The following SAMD12 variants were observed in gnomAD, a reference collection of about 807,000 sequenced individuals.
SAMD12 encodes sterile alpha motif domain-containing protein 12.
In SAMD12, 9 loss-of-function variants were observed where a neutral mutation model predicts 15.0. That is an observed-to-expected ratio of 0.60 (90% CI 0.36 to 1.05). The LOEUF is 1.05. Ranked by LOEUF, SAMD12 falls within the 50% of genes least tolerant of loss-of-function variation. The pLI is 0.01. For missense variants in SAMD12, 230 were observed against 234.2 expected (o/e 0.98, Z 0.12); for synonymous variants, 86 against 90.1 (o/e 0.96, Z 0.25).
At chr8:118,208,052 G>A (rs971655094) in intron 4 of SAMD12, among the ~76,000 whole-genome samples, 1 of 152,092 alleles carries the variant, frequency 6.6e-6, no homozygotes. Context: ...GAGGTCGGGA[G>A]TTCGAGACCA....
the SAMD12 span, among the ~76,000 whole-genome samples, chr8:118,182,168 T>A: frequency 6.6e-6 from 1 of 152,302 alleles, no homozygotes; most frequent in East Asian, 1.9e-4. Context: ...AAAGAGACAT[T>A]AAGAAATTTT....
intron 2 of SAMD12, among the ~76,000 whole-genome samples, chr8:118,470,483 A>T (rs970698679): frequency 2.6e-5 from 4 of 152,196 alleles, no homozygotes; most frequent in African/African-American, 9.7e-5. Context: ...GGCTCTGTCA[A>T]CACTGACCCG....
intron 4 of SAMD12, among the ~76,000 whole-genome samples, chr8:118,307,111 C>A (rs1815389483): frequency 1.3e-5 from 2 of 152,148 alleles, no homozygotes; most frequent in African/African-American, 4.8e-5. Flanking sequence ...ACCAGCATGA[C>A]CTAACATCAC....
At chr8:118,316,832 T>A in intron 4 of SAMD12, among the ~76,000 whole-genome samples, 1 of 150,384 alleles carries the variant, frequency 6.6e-6, no homozygotes. Context: ...TTTTTTTTTT[T>A]TTTGTAAAGA....
At chr8:118,437,730 T>G (rs79886057) in intron 3 of SAMD12, among the ~76,000 whole-genome samples, 3,548 of 152,228 alleles carry the variant, frequency 0.023, 137 homozygotes, top group African/African-American at 0.081. Context: ...ACAACTTTTT[T>G]AAATGCATAC....
Position 118,580,720 on chromosome 8 carries a change from C to T in SAMD12, c.187G>A (p.Ala63Thr). ...PKRLQAEAET[A>T]KSATVKLSKP... ...TTAACTGGAATATTACGCACCTTAG[C>T]CGTCTCAGCTTCTGCCTGCAGTCGC... is the stretch of plus-strand genomic sequence containing the variant. The change falls in exon 2 of 4, where the codon GCT (alanine) becomes ACT (threonine). Residue 63 changes from alanine to threonine, a missense_variant. Ala to Thr is a moderately conservative substitution (Grantham distance 58). Coordinates refer to ENST00000314727, the MANE Select transcript of SAMD12 (RefSeq NM_207506.3). 2 of 1,611,638 alleles carry T rather than the reference C, an allele frequency of 1.2e-6. No homozygotes were observed. The highest frequency in any genetic ancestry group is 1.7e-6 in the Non-Finnish European group (2 of 1,178,230).
chr8:118,586,150 C>T (rs778830677), intron 1 of SAMD12, among the ~76,000 whole-genome samples: 31 of 152,160 alleles, frequency 2.0e-4, no homozygotes, highest in Non-Finnish European at 3.2e-4. Flanking sequence ...GCAAGCAGTG[C>T]CCTGAAATGT....
At chr8:118,452,429 T>G (rs1487592491) in intron 2 of SAMD12, among the ~76,000 whole-genome samples, 1 of 152,220 alleles carries the variant, frequency 6.6e-6, no homozygotes, top group Non-Finnish European at 1.5e-5. Context: ...ATACATATTC[T>G]TATACATTTG....
chr8:118,449,495 C>T (rs1231140199), intron 2 of SAMD12, among the ~76,000 whole-genome samples: 2 of 151,850 alleles, frequency 1.3e-5, no homozygotes, highest in African/African-American at 4.8e-5. Flanking sequence ...CAGTGAAAAA[C>T]ACAGGCATAG....
At chr8:118,469,171 C>T (rs1230141957) in intron 2 of SAMD12, among the ~76,000 whole-genome samples, 3 of 151,950 alleles carry the variant, frequency 2.0e-5, no homozygotes, top group Non-Finnish European at 2.9e-5. Context: ...TCAGATGCCC[C>T]TTAGCCTTTA....
chr8:118,182,672 G>T, the SAMD12 span, among the ~76,000 whole-genome samples: 79,044 of 152,058 alleles, frequency 0.52, 22,480 homozygotes, highest in Non-Finnish European at 0.64. Flanking sequence ...ACCATGTGAG[G>T]GCACTGGGTA....
intron 2 of SAMD12, among the ~76,000 whole-genome samples, chr8:118,550,229 G>C (rs1274230034): frequency 1.3e-5 from 2 of 152,158 alleles, no homozygotes; most frequent in South Asian, 2.1e-4. Context: ...ATAATTGTCA[G>C]ATTCACCAAA....
the SAMD12 span, among the ~76,000 whole-genome samples, chr8:118,158,290 A>G: frequency 6.6e-6 from 1 of 152,264 alleles, no homozygotes; most frequent in Non-Finnish European, 1.5e-5. Flanking sequence ...AGCCATGAAG[A>G]TTGCCTGCTT....
intron 2 of SAMD12, among the ~76,000 whole-genome samples, chr8:118,548,485 T>A (rs2131170609): frequency 6.6e-6 from 1 of 151,972 alleles, no homozygotes; most frequent in Admixed American, 6.6e-5. Context: ...AGTTGTTTGG[T>A]CAAATGTGTC....
intron 3 of SAMD12, among the ~76,000 whole-genome samples, chr8:118,382,072 A>C (rs909019008): frequency 2.0e-5 from 3 of 152,230 alleles, no homozygotes; most frequent in African/African-American, 4.8e-5. Context: ...CAAAGAATAC[A>C]GCTTAAATAT....
At chr8:118,476,318 T>C (rs1259986779) in intron 2 of SAMD12, among the ~76,000 whole-genome samples, 1 of 152,204 alleles carries the variant, frequency 6.6e-6, no homozygotes, top group African/African-American at 2.4e-5. Flanking sequence ...TAAGAGAAGA[T>C]TCTCATCTTT....
At chr8:118,329,158 C>T (rs1321169567) in intron 4 of SAMD12, among the ~76,000 whole-genome samples, 1 of 152,088 alleles carries the variant, frequency 6.6e-6, no homozygotes, top group African/African-American at 2.4e-5. Context: ...AGTTGGGCAA[C>T]ATAGATGAGT....
intron 2 of SAMD12, among the ~76,000 whole-genome samples, chr8:118,492,336 G>T (rs1163818177): frequency 1.3e-5 from 2 of 151,976 alleles, no homozygotes; most frequent in African/African-American, 4.8e-5. Flanking sequence ...AAGTTGATTT[G>T]TATGACTTAT....
chr8:118,596,884 T>G (rs1827736758), intron 1 of SAMD12, among the ~76,000 whole-genome samples: 1 of 152,144 alleles, frequency 6.6e-6, no homozygotes, highest in Non-Finnish European at 1.5e-5. Context: ...ATTGTAAAAC[T>G]GCACACAGAG....
Sources: gnomAD v4.1 joint callset for allele counts (sites outside exome capture counted in the v4.1 genomes callset) on GRCh38, gnomAD v4.1.1 for gene constraint, MANE v1.5 for transcripts, NCBI Gene and HGNC (gene_info 2026-07-23, HGNC 2026-07-21) for gene names.